Variants in KNTC1 observed in about 807,000 individuals in gnomAD.
KNTC1 encodes kinetochore associated 1, also known as kinetochore-associated protein 1.
In KNTC1, 253 loss-of-function variants were observed where a neutral mutation model predicts 314.4. That is an observed-to-expected ratio of 0.80 (90% CI 0.73 to 0.89). The LOEUF is 0.89. KNTC1 is among the 40% of genes least tolerant of loss of function. KNTC1 has a pLI of 0.00. For missense variants in KNTC1, 2,475 were observed against 2,572.9 expected (o/e 0.96, Z 0.82); for synonymous variants, 901 against 901.4 (o/e 1.00, Z 0.01).
rs760503972 is a variant in KNTC1 at position 122,626,239 on chromosome 12, CT to C, written c.*18del. The C allele has an allele frequency of 2.6e-5, 41 of 1,577,672 alleles. No homozygotes were observed. Among genetic ancestry groups the C allele is most frequent in the African/African-American group, 8.1e-5 (6 of 74,364 alleles). On this transcript the variant is annotated 3_prime_UTR_variant, in exon 64 of 64. Transcript: ENST00000333479. ...AGTGGATTATCGTAAATCACTGAAC[CT>C]TTTTTTCAAGAAGGACAAGAATTTT...
intron 33 of KNTC1, among the ~76,000 whole-genome samples, chr12:122,580,959 C>T (rs1413224467): frequency 6.7e-6 from 1 of 149,354 alleles, no homozygotes; most frequent in African/African-American, 2.5e-5. Context: ...ACCCGGGAGG[C>T]GGAGGTTGCA....
At chr12:122,612,931 C>T (rs1014871981) in intron 53 of KNTC1, 181 bp from the exon 54 acceptor site, 4 of 560,754 alleles carry the variant, frequency 7.1e-6, no homozygotes, top group Middle Eastern at 3.9e-4. Flanking sequence ...CAGGAATGCC[C>T]CTTCAGGGGT....
In KNTC1 at chr12:122,585,668, A is replaced by C; in HGVS notation, c.3567A>C (p.Glu1189Asp). ...ASFGTHKDPY[E>D]EWSYSDFFSE... is the part of the protein sequence containing the mutation. ...TTGGGACACATAAAGATCCATATGA[A>C]GAGTGGTCTTACAGTGACTTCTTCA... Residue 1189 changes from glutamate (E) to aspartate (D), a missense_variant, in exon 37 of 64, where the codon GAA (glutamate) becomes GAC (aspartate). Transcript: ENST00000333479. 1 of 1,613,918 alleles carries C rather than the reference A, an allele frequency of 6.2e-7. No individual in the cohort carries two copies. The highest frequency in any genetic ancestry group is 8.5e-7 in the Non-Finnish European group (1 of 1,179,818).
At chr12:122,531,548 C>T (rs553725204) in intron 2 of KNTC1, among the ~76,000 whole-genome samples, 2 of 152,144 alleles carry the variant, frequency 1.3e-5, no homozygotes, top group Admixed American at 6.5e-5. Flanking sequence ...TATAATCCAA[C>T]AATAAGATAA....
Position 122,584,377 on chromosome 12 carries a change from A to G in KNTC1, c.3363A>G (p.Thr1121=), listed in dbSNP as rs754236980. Residue 1121 remains threonine (T), a synonymous_variant, in exon 35 of 64, where the codon ACA becomes ACG. Coordinates refer to ENST00000333479, the MANE Select transcript of KNTC1 (RefSeq NM_014708.6). ...TGTTGGCTGATAATGTCCCAGTGAC[A>G]GTGCCTGTGGGACTGAATCTTCCTT... The part of the protein sequence containing the change: ...CQMLADNVPV[T]VPVGLNLPSM... 170 of 1,613,682 alleles carry G rather than the reference A, an allele frequency of 1.1e-4. No individual in the cohort carries two copies. The highest frequency in any genetic ancestry group is 1.4e-4 in the Non-Finnish European group (166 of 1,179,750).
intron 3 of KNTC1, among the ~76,000 whole-genome samples, chr12:122,535,931 T>C (rs1295100869): frequency 2.7e-5 from 4 of 149,516 alleles, no homozygotes; most frequent in Admixed American, 2.0e-4. Context: ...TCTCGCTCTG[T>C]CACCCAGGCT....
chr12:122,561,323 A>T (rs7302249), intron 18 of KNTC1, among the ~76,000 whole-genome samples: 8,937 of 151,836 alleles, frequency 0.059, 362 homozygotes, highest in African/African-American at 0.12. Flanking sequence ...TCAAAAAAAA[A>T]AATAATAATA....
At chr12:122,605,227 A>G (rs1418635760) in intron 50 of KNTC1, 79 bp from the exon 51 acceptor site, 2 of 1,073,082 alleles carry the variant, frequency 1.9e-6, no homozygotes, top group Non-Finnish European at 2.7e-6. Context: ...GTATGTGCAT[A>G]TATACACATA....
At chr12:122,603,001 A>G in intron 47 of KNTC1, 26 bp from the exon 48 acceptor site, 1 of 1,598,720 alleles carries the variant, frequency 6.3e-7, no homozygotes. Context: ...TATGTGCTTC[A>G]GCCATAACCT....
intron 43 of KNTC1, 61 bp from the exon 44 acceptor site, chr12:122,597,670 A>C: frequency 7.2e-7 from 1 of 1,381,504 alleles, no homozygotes; most frequent in Non-Finnish European, 1.0e-6. Flanking sequence ...GTTTTGTCAG[A>C]TACTTTGCAT....
chr12:122,560,702 A>G (rs1963912263), intron 18 of KNTC1, among the ~76,000 whole-genome samples: 1 of 152,162 alleles, frequency 6.6e-6, no homozygotes, highest in Non-Finnish European at 1.5e-5. Flanking sequence ...TTAAGGAACT[A>G]CCATGTTTTC....
intron 38 of KNTC1, among the ~76,000 whole-genome samples, chr12:122,587,235 C>T (rs1869479302): frequency 6.6e-6 from 1 of 152,122 alleles, no homozygotes; most frequent in Admixed American, 6.5e-5. Flanking sequence ...GCTATGATGG[C>T]ACTACTGTAC....
rs57766838 is a variant in KNTC1, at chr12:122,573,317, T to A, written c.2283+32T>A. The A allele has an allele frequency of 6.8e-3, 10,866 of 1,595,390 alleles. 645 individuals are homozygous for A. In the African/African-American group the frequency reaches 0.13, roughly 19 times the overall value. ...TTTCCTTTACATCTAGTCTTATTTC[T>A]TGGATCTATGCAGTGTAGCACTGTA... On this transcript the variant is annotated intron_variant, in intron 26 of 63. Coordinates refer to ENST00000333479, the MANE Select transcript of KNTC1 (RefSeq NM_014708.6).
rs763490801 is a variant in KNTC1 at position 122,624,796 on chromosome 12, T to C, written c.6606+108T>C. The C allele has an allele frequency of 6.3e-6, 5 of 797,874 alleles. No homozygotes were observed. The East Asian group carries it at 1.3e-4, about 21-fold the overall frequency. The allele number at this position is 797,874 out of a possible 1,614,324, so 49.4% of individuals were successfully genotyped here. On this transcript the variant is annotated intron_variant, in intron 63 of 63. Coordinates refer to ENST00000333479, the MANE Select transcript of KNTC1 (RefSeq NM_014708.6). ...TGTTCTGGAGATAAATGTATTTTTA[T>C]GTGTAACTGTAATTTTTATATTTTA...
chr12:122,531,793 G>A (rs1040768549), intron 2 of KNTC1, among the ~76,000 whole-genome samples: 4 of 149,976 alleles, frequency 2.7e-5, no homozygotes, highest in African/African-American at 9.8e-5. Flanking sequence ...GAGTACAGTG[G>A]CATGATCTCA....
Position 122,585,779 on chromosome 12 carries a change from G to T in KNTC1, c.3673+5G>T. 2 of 1,613,030 alleles carry T rather than the reference G, an allele frequency of 1.2e-6. No homozygotes were observed. The highest frequency in any genetic ancestry group is 2.2e-5 in the South Asian group (2 of 91,052). On this transcript the variant is annotated splice_donor_5th_base_variant and intron_variant, in intron 37 of 63. Coordinates refer to ENST00000333479, the MANE Select transcript of KNTC1 (RefSeq NM_014708.6). ...CATCTCTTGTGCCTCTAGCTGGTAA[G>T]TCTTATTTGTATCATTATTTTCTAT...
At position 122,617,164 on chromosome 12, in the gene KNTC1, G is replaced by A. The variant is rs1240015706; in HGVS notation, c.6031-1179G>A. ...ATTTTTGGTCATTATAAATAATGCT[G>A]CTATGAACATTTGTGTACAAGTTTT... On this transcript the variant is annotated intron_variant, in intron 57 of 63. Coordinates refer to ENST00000333479, the MANE Select transcript of KNTC1 (RefSeq NM_014708.6). Among the ~76,000 whole-genome samples the A allele has an allele frequency of 4.6e-5, 7 of 152,048 alleles. No homozygotes were observed. The East Asian group carries it at 1.3e-3, about 29-fold the overall frequency.
intron 62 of KNTC1, 76 bp downstream of exon 62, chr12:122,622,683 T>G (rs1253753648): frequency 2.4e-5 from 29 of 1,219,490 alleles, no homozygotes; most frequent in Admixed American, 2.9e-5. Flanking sequence ...GCACGATGGC[T>G]CACGACTGTA....
intron 18 of KNTC1, 33 bp from the exon 19 acceptor site, chr12:122,561,888 C>T: frequency 6.7e-7 from 1 of 1,490,722 alleles, no homozygotes; most frequent in Non-Finnish European, 9.2e-7. Flanking sequence ...AGTAGATATT[C>T]TTCTAACTGT....
Sources: allele counts gnomAD v4.1 joint callset (sites outside exome capture counted in the v4.1 genomes callset), GRCh38; gene constraint gnomAD v4.1.1; transcripts MANE v1.5; gene names NCBI Gene and HGNC (gene_info 2026-07-23, HGNC 2026-07-21).